The following CNTNAP2 variants were observed in gnomAD, a reference collection of about 807,000 sequenced individuals.
The protein encoded by CNTNAP2 is contactin-associated protein-like 2.
CNTNAP2 carries 98 observed loss-of-function variants against 155.2 expected under a neutral mutation model. That is an observed-to-expected ratio of 0.63 (90% CI 0.54 to 0.75). The LOEUF (loss-of-function observed/expected upper bound fraction) is 0.75, where lower values mean the gene tolerates loss of function less well. CNTNAP2 is among the 30% of genes least tolerant of loss of function. The pLI is 0.00. For missense variants in CNTNAP2, 1,727 were observed against 1,688.1 expected, an observed-to-expected ratio of 1.02 and a Z score of -0.40; for synonymous variants, 651 against 631.2, an observed-to-expected ratio of 1.03 and a Z score of -0.47.
intron 18 of CNTNAP2, among the ~76,000 whole-genome samples, chr7:148,213,403 G>A (rs1038325079): frequency 1.3e-5 from 2 of 152,154 alleles, no homozygotes; most frequent in African/African-American, 4.8e-5. Flanking sequence ...GTGACACGCT[G>A]CACCTGTCAC....
intron 1 of CNTNAP2, among the ~76,000 whole-genome samples, chr7:146,483,281 AAATATATATATATATATATATATATAT>A (rs1563101600): frequency 3.4e-5 from 2 of 58,030 alleles, no homozygotes; most frequent in African/African-American, 1.7e-4. Flanking sequence ...GTCTAAAAAA[AAATATATATATATATATATATATATAT>A]ATATATATAT....
At chr7:148,156,698 C>T (rs1234947740) in intron 17 of CNTNAP2, among the ~76,000 whole-genome samples, 2 of 152,104 alleles carry the variant, frequency 1.3e-5, no homozygotes, top group Non-Finnish European at 2.9e-5. Context: ...ATTAAATGGG[C>T]ATCTTAGAAT....
rs142522965 is a variant in CNTNAP2 at position 146,388,007 on chromosome 7, A to AGTGT, written c.97+271051_97+271054dup. On this transcript the variant is annotated intron_variant, in intron 1 of 23. Coordinates refer to ENST00000361727, the MANE Select transcript of CNTNAP2 (RefSeq NM_014141.6). Reference sequence around the variant, plus strand: ...TTTTTTTATATCATGTGTGTGCATGAGTGTGTGTGTGTGTGTGTGTATTCT... The same window carrying AGTGT: ...TTTTTTTATATCATGTGTGTGCATGAGTGTGTGTGTGTGTGTGTGTGTGTATTCT... Among the ~76,000 whole-genome samples the AGTGT allele has an allele frequency of 2.6e-3, 387 of 147,414 alleles. 2 individuals carry two copies. Among genetic ancestry groups the AGTGT allele is most frequent in the African/African-American group, 8.8e-3 (359 of 40,612 alleles).
At chr7:146,979,724 T>G (rs2129236280) in intron 3 of CNTNAP2, among the ~76,000 whole-genome samples, 1 of 152,296 alleles carries the variant, frequency 6.6e-6, no homozygotes, top group South Asian at 2.1e-4. Flanking sequence ...AAGGGTAAAG[T>G]AAAATCTGTC....
At chr7:147,535,393 GAAAAAT>G (rs1265962383) in intron 11 of CNTNAP2, among the ~76,000 whole-genome samples, 2 of 151,736 alleles carry the variant, frequency 1.3e-5, no homozygotes, top group Non-Finnish European at 2.9e-5. Context: ...CTCTGTCTCA[GAAAAAT>G]AAAAATAAAT....
Position 147,949,019 on chromosome 7 carries a change from C to T in CNTNAP2, c.2256-28843C>T, listed in dbSNP as rs58011827. ...GAGTTTGAGACCAGCCTGAACAACACGGAGAAACCCCATCTCTACTAAAAA... is the reference window on the plus strand; with the variant it reads ...GAGTTTGAGACCAGCCTGAACAACATGGAGAAACCCCATCTCTACTAAAAA... On this transcript the variant is annotated intron_variant, in intron 14 of 23. Coordinates refer to ENST00000361727, the MANE Select transcript of CNTNAP2 (RefSeq NM_014141.6). Among the ~76,000 whole-genome samples, 975 of 151,540 alleles carry T rather than the reference C, an allele frequency of 6.4e-3. 4 individuals carry two copies. The highest frequency in any genetic ancestry group is 0.022 in the African/African-American group (917 of 41,314).
At chr7:147,553,201 C>A (rs985154301) in intron 11 of CNTNAP2, among the ~76,000 whole-genome samples, 2 of 152,122 alleles carry the variant, frequency 1.3e-5, no homozygotes, top group African/African-American at 2.4e-5. Flanking sequence ...GGAAACGGGA[C>A]TAGCATGTAG....
chr7:146,846,229 A>G (rs1054970559), intron 3 of CNTNAP2, among the ~76,000 whole-genome samples: 1 of 152,176 alleles, frequency 6.6e-6, no homozygotes, highest in Admixed American at 6.5e-5. Context: ...TTATGTAAAC[A>G]TCTACATTCC....
At chr7:146,817,419 C>T (rs956101852) in intron 2 of CNTNAP2, among the ~76,000 whole-genome samples, 21 of 151,836 alleles carry the variant, frequency 1.4e-4, no homozygotes, top group African/African-American at 4.8e-4. Flanking sequence ...TTGCAGTGAG[C>T]CGAGATCGTG....
intron 20 of CNTNAP2, among the ~76,000 whole-genome samples, chr7:148,238,511 T>C (rs937423346): frequency 6.6e-6 from 1 of 152,252 alleles, no homozygotes; most frequent in East Asian, 1.9e-4. Context: ...ATTTGCCTTA[T>C]AAACTTTTGA....
intron 19 of CNTNAP2, among the ~76,000 whole-genome samples, chr7:148,218,288 C>T (rs982632880): frequency 6.6e-6 from 1 of 152,204 alleles, no homozygotes; most frequent in Non-Finnish European, 1.5e-5. Context: ...AACATCTGAA[C>T]TTTCAATAGG....
chr7:146,140,505 T>G (rs951797123), intron 1 of CNTNAP2, among the ~76,000 whole-genome samples: 2 of 152,154 alleles, frequency 1.3e-5, no homozygotes, highest in African/African-American at 4.8e-5. Flanking sequence ...ACAGAGCATT[T>G]AAAATATATT....
At chr7:146,176,198 T>C (rs1396963474) in intron 1 of CNTNAP2, among the ~76,000 whole-genome samples, 2 of 152,210 alleles carry the variant, frequency 1.3e-5, no homozygotes, top group African/African-American at 2.4e-5. Context: ...TATGGCATAT[T>C]GAGGGACAAA....
intron 1 of CNTNAP2, among the ~76,000 whole-genome samples, chr7:146,449,763 C>T (rs1240608593): frequency 6.6e-6 from 1 of 152,100 alleles, no homozygotes; most frequent in East Asian, 1.9e-4. Context: ...GGTTGATATG[C>T]CTTTTAGTAT....
At chr7:146,570,444 A>G (rs1477862288) in intron 1 of CNTNAP2, among the ~76,000 whole-genome samples, 1 of 152,290 alleles carries the variant, frequency 6.6e-6, no homozygotes, top group East Asian at 1.9e-4. Context: ...TGCTCATTAA[A>G]TATCATTTTT....
intron 3 of CNTNAP2, among the ~76,000 whole-genome samples, chr7:146,869,501 G>A (rs1795266085): frequency 6.6e-6 from 1 of 152,022 alleles, no homozygotes; most frequent in Non-Finnish European, 1.5e-5. Flanking sequence ...AAGGATAATT[G>A]ACTCACATGA....
chr7:147,753,615 T>A (rs1272154735), intron 13 of CNTNAP2, among the ~76,000 whole-genome samples: 2 of 152,210 alleles, frequency 1.3e-5, no homozygotes, highest in Non-Finnish European at 2.9e-5. Context: ...ATTTAGATTA[T>A]CTTAAAGATA....
At chr7:146,621,802 T>C (rs551486843) in intron 1 of CNTNAP2, among the ~76,000 whole-genome samples, 1 of 152,288 alleles carries the variant, frequency 6.6e-6, no homozygotes, top group Admixed American at 6.5e-5. Flanking sequence ...TATGTGCAGT[T>C]CACATGTAAG....
chr7:148,023,814 A>C (rs10226093), intron 15 of CNTNAP2, among the ~76,000 whole-genome samples: 1 of 152,126 alleles, frequency 6.6e-6, no homozygotes, highest in Non-Finnish European at 1.5e-5. Context: ...ATGAGCATTC[A>C]TAATTTACAT....
Sources: allele counts gnomAD v4.1 joint callset (sites outside exome capture counted in the v4.1 genomes callset), GRCh38; gene constraint gnomAD v4.1.1; transcripts MANE v1.5; gene names NCBI Gene and HGNC (gene_info 2026-07-23, HGNC 2026-07-21).